Variants in CDK13 observed in about 807,000 individuals in gnomAD.
CDK13 encodes cyclin dependent kinase 13, also known as cyclin-dependent kinase 13.
In CDK13, 40 loss-of-function variants were observed where a neutral mutation model predicts 137.6. The observed-to-expected ratio is 0.29, with a 90% CI of 0.23 to 0.38. The LOEUF (loss-of-function observed/expected upper bound fraction) is 0.38, where lower values mean the gene tolerates loss of function less well. Ranked by LOEUF, CDK13 falls within the 10% of genes least tolerant of loss-of-function variation. The pLI is 1.00. For missense variants in CDK13, 1,704 were observed against 1,951.8 expected, an observed-to-expected ratio of 0.87 and a Z score of 2.39; for synonymous variants, 869 against 760.1, an observed-to-expected ratio of 1.14 and a Z score of -2.36.
At chr7:39,992,060 G>GA (rs1397877030) in intron 2 of CDK13, among the ~76,000 whole-genome samples, 2 of 143,364 alleles carry the variant, frequency 1.4e-5, no homozygotes, top group Non-Finnish European at 3.0e-5. Context: ...TCAAAAAAAG[G>GA]AAAAAATTAT....
chr7:39,988,190 T>G lies in CDK13; in HGVS notation c.1803T>G (p.Ala601=). Residue 601 remains alanine, a synonymous_variant, in exon 2 of 14, where the codon GCT becomes GCG. Transcript: ENST00000181839. ...IGAKEKEQHV[A]LVTSTLPPLP... is the part of the protein sequence containing the mutation. ...CCAAGGAGAAGGAGCAACATGTAGC[T>G]TTAGTCACCTCTACATTACCACCGT... 1 of 1,614,136 alleles carries G rather than the reference T, an allele frequency of 6.2e-7. No individual in the cohort carries two copies. Among genetic ancestry groups the G allele is most frequent in the Non-Finnish European group, 8.5e-7 (1 of 1,180,010 alleles).
At position 40,094,504 on chromosome 7, in the gene CDK13, C is replaced by T; in HGVS notation, c.4063C>T (p.Leu1355=). 6.2e-7 allele frequency: 1 copy of T among 1,613,134 alleles called. No individual in the cohort carries two copies. The highest frequency in any genetic ancestry group is 8.5e-7 in the Non-Finnish European group (1 of 1,179,736). Residue 1355 remains leucine, a synonymous_variant, in exon 14 of 14, where the codon CTA becomes TTA. Transcript: ENST00000181839. ...SSAPYVSNDG[L]GSSSAPPLER... Reference sequence around the variant, plus strand: ...TGCTCCTTATGTTAGCAATGATGGTCTAGGAAGCAGTTCTGCTCCACCACT... The same window carrying T: ...TGCTCCTTATGTTAGCAATGATGGTTTAGGAAGCAGTTCTGCTCCACCACT...
intron 9 of CDK13, chr7:40,072,762 T>C (rs894994882): frequency 1.4e-4 from 22 of 152,216 alleles, no homozygotes; most frequent in African/African-American, 4.8e-4. Context: ...AAATACAGCA[T>C]TACATTGAAA....
At chr7:40,034,669 T>C (rs2150507184) in intron 5 of CDK13, among the ~76,000 whole-genome samples, 1 of 152,304 alleles carries the variant, frequency 6.6e-6, no homozygotes, top group South Asian at 2.1e-4. Flanking sequence ...ACATTTACTC[T>C]TAAAAGTGGG....
chr7:40,001,409 G>T (rs1038754733), intron 4 of CDK13, among the ~76,000 whole-genome samples: 5 of 151,944 alleles, frequency 3.3e-5, no homozygotes, highest in Non-Finnish European at 7.4e-5. Flanking sequence ...TAGAGTTGGG[G>T]TTTCACTATG....
At chr7:39,971,982 T>TTAGTC (rs1784009501) in intron 1 of CDK13, among the ~76,000 whole-genome samples, 2 of 152,236 alleles carry the variant, frequency 1.3e-5, no homozygotes, top group African/African-American at 4.8e-5. Context: ...TTTGAACAAA[T>TTAGTC]TCTTGATGGC....
intron 9 of CDK13, among the ~76,000 whole-genome samples, chr7:40,066,148 A>G (rs1465321467): frequency 6.6e-6 from 1 of 152,218 alleles, no homozygotes; most frequent in East Asian, 1.9e-4. Flanking sequence ...TCGAGACTGC[A>G]GTGAGCTAAT....
chr7:39,977,718 T>C (rs1784139571), intron 1 of CDK13, among the ~76,000 whole-genome samples: 2 of 152,174 alleles, frequency 1.3e-5, no homozygotes, highest in South Asian at 4.1e-4. Context: ...AACTGAAAGA[T>C]TATTCAAGTG....
In CDK13 at chr7:39,997,908, GTA is replaced by G. The variant is rs1784597639; in HGVS notation, c.2042+248_2042+249del. 1.0e-5 allele frequency: 4 copies of G among 381,744 alleles called. No homozygotes were observed. The Admixed American group carries it at 1.8e-4, about 17-fold the overall frequency. 23.6% of individuals were successfully genotyped at this position (381,744 alleles called of 1,614,324 possible). ...TAATGTATTAATTTCCTGGGGTATT[GTA>G]TATGTTAAAGATACTTTCTGTTATT... On this transcript the variant is annotated intron_variant, in intron 3 of 13. Coordinates refer to ENST00000181839, the MANE Select transcript of CDK13 (RefSeq NM_003718.5).
chr7:39,957,012 G>T (rs1787426869), intron 1 of CDK13, among the ~76,000 whole-genome samples: 1 of 151,994 alleles, frequency 6.6e-6, no homozygotes. Flanking sequence ...TAGCTTAAAT[G>T]ATAAGAGACA....
At chr7:40,051,266 T>A (rs1785881881) in intron 7 of CDK13, among the ~76,000 whole-genome samples, 1 of 151,654 alleles carries the variant, frequency 6.6e-6, no homozygotes, top group Non-Finnish European at 1.5e-5. Flanking sequence ...AACTTCTCTT[T>A]TTTTTTTTTA....
intron 5 of CDK13, among the ~76,000 whole-genome samples, chr7:40,023,534 C>G (rs1785174143): frequency 6.7e-6 from 1 of 150,108 alleles, no homozygotes; most frequent in Non-Finnish European, 1.5e-5. Context: ...GAGTCTCGCT[C>G]TGTCACCCGG....
chr7:40,070,552 A>C (rs1786396407), intron 9 of CDK13: 1 of 151,984 alleles, frequency 6.6e-6, no homozygotes, highest in Non-Finnish European at 1.5e-5. Context: ...CCATCTCTAC[A>C]AAAATACAGA....
intron 1 of CDK13, among the ~76,000 whole-genome samples, chr7:39,964,308 G>T (rs575287127): frequency 2.6e-5 from 4 of 152,148 alleles, no homozygotes; most frequent in Admixed American, 1.3e-4. Context: ...CCTGTTATTG[G>T]TCTATTCAGA....
Position 39,950,639 on chromosome 7 carries a change from G to T in CDK13, c.-3G>T, listed in dbSNP as rs1787120276. 3.8e-6 allele frequency: 5 copies of T among 1,323,176 alleles called. No individual in the cohort carries two copies. The highest frequency in any genetic ancestry group is 4.8e-6 in the Non-Finnish European group (5 of 1,038,712). 82.0% of individuals were successfully genotyped at this position (1,323,176 alleles called of 1,614,324 possible). A position where few individuals can be genotyped will look rare whatever the true frequency, so the allele number is the denominator to read the frequency against. ...CGCCGCGCTCTGCGGCTGGCTCTAGGCGATGCCGAGCAGCTCGGACACGGC... is the reference window on the plus strand; with the variant it reads ...CGCCGCGCTCTGCGGCTGGCTCTAGTCGATGCCGAGCAGCTCGGACACGGC... On this transcript the variant is annotated 5_prime_UTR_variant, in exon 1 of 14. Coordinates refer to ENST00000181839, the MANE Select transcript of CDK13 (RefSeq NM_003718.5).
chr7:39,971,187 A>G (rs1178604823), intron 1 of CDK13, among the ~76,000 whole-genome samples: 1 of 152,228 alleles, frequency 6.6e-6, no homozygotes, highest in Non-Finnish European at 1.5e-5. Flanking sequence ...GTAGGTACCT[A>G]GCAAGTGAGA....
intron 5 of CDK13, among the ~76,000 whole-genome samples, chr7:40,027,401 T>C (rs576393890): frequency 6.6e-6 from 1 of 152,332 alleles, no homozygotes; most frequent in African/African-American, 2.4e-5. Context: ...AAAAATTATT[T>C]AGCTACTTTA....
At chr7:40,092,724 G>A in intron 12 of CDK13, 61 bp from the exon 13 acceptor site, 1 of 1,210,766 alleles carries the variant, frequency 8.3e-7, no homozygotes, top group East Asian at 2.3e-5. Context: ...AGCCATTTTG[G>A]TGTGGGAGTG....
chr7:40,078,266 A>T (rs1786589697), intron 10 of CDK13, 145 bp downstream of exon 10: 1 of 445,808 alleles, frequency 2.2e-6, no homozygotes, highest in South Asian at 5.5e-5. Context: ...TGTTTGCTAC[A>T]TGCAGATTAC....
Sources: gnomAD v4.1 joint callset for allele counts (sites outside exome capture counted in the v4.1 genomes callset) on GRCh38, gnomAD v4.1.1 for gene constraint, MANE v1.5 for transcripts, NCBI Gene and HGNC (gene_info 2026-07-23, HGNC 2026-07-21) for gene names.